Variants in RALGPS1 observed in about 807,000 individuals in gnomAD.
The protein encoded by RALGPS1 is Ral GEF with PH domain and SH3 binding motif 1.
Under a neutral mutation model 78.8 loss-of-function variants are expected in RALGPS1, and 19 were observed. The observed-to-expected ratio is 0.24, with a 90% CI of 0.17 to 0.35. The LOEUF is 0.35. Among genes scored for constraint, RALGPS1 ranks in the 10% least tolerant of loss-of-function variants. RALGPS1 has a pLI of 1.00. For synonymous variants in RALGPS1, 228 were observed against 256.3 expected (o/e 0.89, Z 1.06); for missense variants, 454 against 688.3 (o/e 0.66, Z 3.81).
chr9:127,184,345 A>T, intron 11 of RALGPS1: 1 of 333,982 alleles, frequency 3.0e-6, no homozygotes, highest in Non-Finnish European at 5.8e-6. Context: ...AAGGAAATGA[A>T]CCAGGCCCTC....
chr9:126,944,116 G>A (rs970120270), intron 1 of RALGPS1, among the ~76,000 whole-genome samples: 3 of 152,216 alleles, frequency 2.0e-5, no homozygotes, highest in Non-Finnish European at 2.9e-5. Context: ...CTTACCATCC[G>A]CCAGCCAGCA....
chr9:127,143,587 T>C (rs2057917935), intron 8 of RALGPS1, among the ~76,000 whole-genome samples: 1 of 152,172 alleles, frequency 6.6e-6, no homozygotes, highest in African/African-American at 2.4e-5. Flanking sequence ...ATGTGGAAAC[T>C]ACCTCAACAG....
intron 18 of RALGPS1, among the ~76,000 whole-genome samples, chr9:127,216,607 A>G (rs1280002306): frequency 6.6e-6 from 1 of 152,234 alleles, no homozygotes; most frequent in Non-Finnish European, 1.5e-5. Context: ...TACACAAGAA[A>G]TGGTAATTCT....
intron 4 of RALGPS1, among the ~76,000 whole-genome samples, chr9:127,000,701 A>C (rs926354183): frequency 1.3e-5 from 2 of 149,814 alleles, no homozygotes; most frequent in Admixed American, 6.6e-5. Context: ...GTCATGCACC[A>C]CCACCTCTGG....
intron 4 of RALGPS1, among the ~76,000 whole-genome samples, chr9:126,983,807 A>G (rs772884654): frequency 2.0e-5 from 3 of 151,994 alleles, no homozygotes; most frequent in Non-Finnish European, 2.9e-5. Flanking sequence ...CTTGTCGCCT[A>G]TTTTGTTTCA....
At chr9:127,050,824 G>C (rs2048245234) in intron 6 of RALGPS1, among the ~76,000 whole-genome samples, 1 of 152,212 alleles carries the variant, frequency 6.6e-6, no homozygotes, top group South Asian at 2.1e-4. Context: ...CGTGCTGGCT[G>C]TTTCGCTGCT....
intron 11 of RALGPS1, chr9:127,184,286 C>T (rs937436132): frequency 4.4e-5 from 19 of 432,672 alleles, no homozygotes; most frequent in Admixed American, 3.2e-4. Flanking sequence ...CGCCACCGCG[C>T]TCCAGCTTGG....
At position 127,179,207 on chromosome 9, in the gene RALGPS1, TG is replaced by T. The variant is rs558333545; in HGVS notation, c.910+4426del. Among the ~76,000 whole-genome samples the T allele has an allele frequency of 8.1e-4, 124 of 152,314 alleles. 1 individual carries two copies. The highest frequency in any genetic ancestry group is 2.8e-3 in the African/African-American group (115 of 41,570). ...CCTGGCTTCAGCCCTGGAAGCAGGA[TG>T]TGAAGGTTTTCATTGATCACTAGAG... On this transcript the variant is annotated intron_variant, in intron 11 of 18. Transcript: ENST00000259351.
rs757298097 is a variant in RALGPS1 at position 127,069,352 on chromosome 9, T to C, written c.606T>C (p.Tyr202=). The change falls in exon 8 of 19, where the codon TAT becomes TAC. Residue 202 remains tyrosine (Y), a synonymous_variant. Transcript: ENST00000259351. The part of the protein sequence containing the change: ...RSLKMVPSIP[Y]LGIYLLDLIY... ...TGAAGATGGTTCCAAGTATTCCCTA[T>C]CTAGGTAGGAGTTTGAATTGGCTTA... is the stretch of plus-strand genomic sequence containing the variant. The C allele has an allele frequency of 1.2e-5, 19 of 1,613,690 alleles. No homozygotes were observed. Among genetic ancestry groups the C allele is most frequent in the Non-Finnish European group, 1.5e-5 (18 of 1,179,814 alleles).
Position 126,921,059 on chromosome 9 carries a change from C to G in RALGPS1, c.-66+6084C>G, listed in dbSNP as rs983777970. ...TGAAATAATGCAGTGCAGTGTTTAG[C>G]ACAGTGCCTGCTGGGAAGCTAATGC... On this transcript the variant is annotated intron_variant, in intron 1 of 18. Transcript: ENST00000259351. Among the ~76,000 whole-genome samples the G allele has an allele frequency of 3.3e-5, 5 of 152,210 alleles. No homozygotes were observed. The East Asian group carries it at 9.6e-4, about 29-fold the overall frequency.
intron 1 of RALGPS1, among the ~76,000 whole-genome samples, chr9:126,945,678 G>A (rs552706483): frequency 2.6e-4 from 40 of 152,172 alleles, no homozygotes; most frequent in South Asian, 6.2e-4. Flanking sequence ...ATTGTGCATC[G>A]GGCCTTCCCT....
At chr9:126,983,874 G>A (rs2041552861) in intron 4 of RALGPS1, among the ~76,000 whole-genome samples, 1 of 152,142 alleles carries the variant, frequency 6.6e-6, no homozygotes, top group Non-Finnish European at 1.5e-5. Context: ...TTTGGGAAGA[G>A]TGTGTCCTAG....
At chr9:127,082,350 C>T (rs934105358) in intron 8 of RALGPS1, among the ~76,000 whole-genome samples, 11 of 152,206 alleles carry the variant, frequency 7.2e-5, no homozygotes, top group African/African-American at 2.4e-5. Context: ...AGCACTGCCC[C>T]TTGTTACTCC....
intron 11 of RALGPS1, among the ~76,000 whole-genome samples, chr9:127,192,987 G>A (rs899376339): frequency 6.6e-6 from 1 of 152,218 alleles, no homozygotes; most frequent in African/African-American, 2.4e-5. Context: ...GTGTCATTAG[G>A]TACAGAAGTC....
chr9:127,153,986 A>G (rs1444010827), intron 8 of RALGPS1, among the ~76,000 whole-genome samples: 2 of 152,202 alleles, frequency 1.3e-5, no homozygotes, highest in African/African-American at 4.8e-5. Context: ...AGGCAATACA[A>G]GGAGAGTAGG....
At chr9:127,006,094 AG>A (rs2043816664) in intron 4 of RALGPS1, among the ~76,000 whole-genome samples, 1 of 152,256 alleles carries the variant, frequency 6.6e-6, no homozygotes, top group African/African-American at 2.4e-5. Flanking sequence ...ACACATCCAC[AG>A]TCAGCATCAT....
intron 9 of RALGPS1, among the ~76,000 whole-genome samples, chr9:127,167,946 G>A (rs971107231): frequency 6.6e-6 from 1 of 152,234 alleles, no homozygotes; most frequent in Admixed American, 6.5e-5. Flanking sequence ...ACACCGTGTG[G>A]CAGAAGCCTT....
chr9:126,920,930 G>C lies in RALGPS1; in HGVS notation c.-66+5955G>C, dbSNP rs1215992973. The stretch of plus-strand genomic sequence containing the variant: ...ATCCTGCCTCTGTCACAGACAACCT[G>C]TGTGACCATGGGCAGGTGTCTTCCC... On this transcript the variant is annotated intron_variant, in intron 1 of 18. Coordinates refer to ENST00000259351, the MANE Select transcript of RALGPS1 (RefSeq NM_014636.3). Among the ~76,000 whole-genome samples the C allele has an allele frequency of 2.0e-5, 3 of 152,210 alleles. No individual in the cohort carries two copies. The East Asian group carries it at 5.8e-4, about 29-fold the overall frequency.
intron 10 of RALGPS1, among the ~76,000 whole-genome samples, 159 bp from the exon 11 acceptor site, chr9:127,174,556 T>C (rs934146811): frequency 6.6e-6 from 1 of 152,174 alleles, no homozygotes; most frequent in Non-Finnish European, 1.5e-5. Flanking sequence ...TTCTTGGCTG[T>C]GGAAACCCCC....
Sources: allele counts gnomAD v4.1 joint callset (sites outside exome capture counted in the v4.1 genomes callset), GRCh38; gene constraint gnomAD v4.1.1; transcripts MANE v1.5; gene names NCBI Gene and HGNC (gene_info 2026-07-23, HGNC 2026-07-21).